C3orf49: variants seen among roughly 807,000 people sequenced by gnomAD.
C3orf49 encodes the protein putative uncharacterized protein C3orf49.
Under a neutral mutation model 13.3 loss-of-function variants are expected in C3orf49, and 27 were observed. The ratio of observed to expected loss-of-function variants is 2.02; its 90% CI spans 1.49 to 2.79. The LOEUF (loss-of-function observed/expected upper bound fraction) is 2.79, where lower values mean the gene tolerates loss of function less well. Among genes scored for constraint, C3orf49 ranks in the 30% most tolerant of loss-of-function variants. The pLI is 0.00. For synonymous variants in C3orf49, 87 were observed against 47.6 expected (o/e 1.83, Z -3.40); for missense variants, 242 against 134.2 (o/e 1.80, Z -3.97).
At chr3:63,822,824 T>C (rs1054651482) in intron 1 of C3orf49, among the ~76,000 whole-genome samples, 51 of 152,348 alleles carry the variant, frequency 3.3e-4, no homozygotes, top group Admixed American at 2.9e-3. Context: ...TTACTTTCAC[T>C]TTGAAACTGC....
the C3orf49 span, among the ~76,000 whole-genome samples, chr3:63,808,798 A>T: frequency 4.6e-5 from 7 of 152,098 alleles, no homozygotes; most frequent in Non-Finnish European, 1.0e-4. Context: ...GCCCAGGTAC[A>T]CTCAGCCCAG....
chr3:63,791,732 G>A, the C3orf49 span, among the ~76,000 whole-genome samples: 1 of 152,094 alleles, frequency 6.6e-6, no homozygotes, highest in Non-Finnish European at 1.5e-5. Context: ...TATTCCAGTT[G>A]TTCCAGGCAA....
chr3:63,798,502 A>C, the C3orf49 span, among the ~76,000 whole-genome samples: 6 of 152,140 alleles, frequency 3.9e-5, no homozygotes, highest in African/African-American at 1.4e-4. Flanking sequence ...ATGGGGATTT[A>C]ATATATAAAG....
intron 5 of C3orf49, chr3:63,838,544 G>A (rs777451987): frequency 1.9e-6 from 3 of 1,551,402 alleles, no homozygotes; most frequent in South Asian, 1.2e-5. Flanking sequence ...TTTGTGGACT[G>A]ACAAAAGTGA....
rs992015432 is a variant in C3orf49 at position 63,841,229 on chromosome 3, C to T, written c.850-3794C>T. ...AGGCTTTGCGTGTGTGCATGTGTAT[C>T]ACACATGCATGTGTGTATTCAGAGA... On this transcript the variant is annotated intron_variant, in intron 5 of 6. Transcript: ENST00000295896. 2.0e-5 allele frequency among the ~76,000 whole-genome samples: 3 copies of T among 152,268 alleles called. No individual in the cohort carries two copies. The South Asian group carries it at 6.2e-4, about 32-fold the overall frequency.
At chr3:63,811,906 T>C in the C3orf49 span, among the ~76,000 whole-genome samples, 1 of 150,242 alleles carries the variant, frequency 6.7e-6, no homozygotes, top group African/African-American at 2.4e-5. Context: ...ATAGAAAAAA[T>C]ATATTAAAAA....
chr3:63,780,398 T>G, the C3orf49 span, among the ~76,000 whole-genome samples: 1 of 152,304 alleles, frequency 6.6e-6, no homozygotes, highest in East Asian at 1.9e-4. Context: ...TGTTGGACAT[T>G]TGGGTTGGTT....
chr3:63,811,833 C>G, the C3orf49 span, among the ~76,000 whole-genome samples: 1 of 151,304 alleles, frequency 6.6e-6, no homozygotes, highest in Non-Finnish European at 1.5e-5. Flanking sequence ...GAGATGCTGC[C>G]TCTTCATACT....
At chr3:63,839,676 G>A (rs534656257) in intron 5 of C3orf49, 2 of 1,612,176 alleles carry the variant, frequency 1.2e-6, no homozygotes, top group South Asian at 2.2e-5. Context: ...GGGACCCAGA[G>A]TTGCACCATT....
chr3:63,832,334 GTC>G (rs1701545793), intron 5 of C3orf49, among the ~76,000 whole-genome samples: 1 of 152,120 alleles, frequency 6.6e-6, no homozygotes. Context: ...CTACCCAATA[GTC>G]CTTTAAAAAA....
At chr3:63,784,040 G>T in the C3orf49 span, among the ~76,000 whole-genome samples, 1 of 152,104 alleles carries the variant, frequency 6.6e-6, no homozygotes, top group African/African-American at 2.4e-5. Flanking sequence ...TCTGCTCAGT[G>T]ACCCTAGAAG....
At chr3:63,813,465 C>G in the C3orf49 span, among the ~76,000 whole-genome samples, 2 of 152,152 alleles carry the variant, frequency 1.3e-5, no homozygotes, top group African/African-American at 4.8e-5. Context: ...GAGTAAATGC[C>G]AACTGATAGA....
At chr3:63,841,173 T>C (rs1197004597) in intron 5 of C3orf49, among the ~76,000 whole-genome samples, 3 of 152,142 alleles carry the variant, frequency 2.0e-5, no homozygotes, top group African/African-American at 7.2e-5. Context: ...GAAAAGCATA[T>C]ACAATATGTT....
chr3:63,794,430 T>C, the C3orf49 span, among the ~76,000 whole-genome samples: 3 of 152,126 alleles, frequency 2.0e-5, no homozygotes, highest in African/African-American at 7.2e-5. Flanking sequence ...TGCTATAATA[T>C]TTCTCATCAT....
intron 5 of C3orf49, among the ~76,000 whole-genome samples, chr3:63,843,825 C>T (rs912927828): frequency 4.0e-5 from 6 of 151,526 alleles, no homozygotes; most frequent in Non-Finnish European, 5.9e-5. Context: ...GGCGTGAACC[C>T]GGGAGGCGGA....
chr3:63,843,161 C>T (rs1286096011), intron 5 of C3orf49, among the ~76,000 whole-genome samples: 1 of 151,856 alleles, frequency 6.6e-6, no homozygotes, highest in Non-Finnish European at 1.5e-5. Context: ...CTCTTTCATC[C>T]AGGCTAGAGT....
chr3:63,847,869 C>A (rs1001990412), intron 6 of C3orf49, among the ~76,000 whole-genome samples: 4 of 152,150 alleles, frequency 2.6e-5, no homozygotes, highest in Non-Finnish European at 5.9e-5. Flanking sequence ...TGAATGGACA[C>A]CCATTCAATA....
the C3orf49 span, among the ~76,000 whole-genome samples, chr3:63,809,630 T>C: frequency 1.3e-5 from 2 of 152,158 alleles, no homozygotes; most frequent in East Asian, 3.9e-4. Context: ...GTTATCTATC[T>C]GGCCTCATCT....
At chr3:63,827,817 C>T in intron 3 of C3orf49, 92 bp downstream of exon 3, 1 of 637,066 alleles carries the variant, frequency 1.6e-6, no homozygotes, top group Non-Finnish European at 2.8e-6. Flanking sequence ...TACCATGAGT[C>T]CTCCACAATA....
Sources: allele counts gnomAD v4.1 joint callset (sites outside exome capture counted in the v4.1 genomes callset), GRCh38; gene constraint gnomAD v4.1.1; transcripts MANE v1.5; gene names NCBI Gene and HGNC (gene_info 2026-07-23, HGNC 2026-07-21).